Variants in SEMA6D observed in about 807,000 individuals in gnomAD.
The protein encoded by SEMA6D is semaphorin 6D, also known as semaphorin-6D.
In SEMA6D, 35 loss-of-function variants were observed where a neutral mutation model predicts 106.6. That is an observed-to-expected ratio of 0.33 (90% CI 0.25 to 0.44). The LOEUF is 0.44. Among genes scored for constraint, SEMA6D ranks in the 20% least tolerant of loss-of-function variants. SEMA6D has a pLI of 1.00. For synonymous variants in SEMA6D, 499 were observed against 487.7 expected (o/e 1.02, Z -0.31); for missense variants, 1,185 against 1,345.9 (o/e 0.88, Z 1.87).
rs75851458 is a variant in SEMA6D, at chr15:47,519,805, T to A, written c.-87+49260T>A. Among the ~76,000 whole-genome samples the A allele has an allele frequency of 3.8e-3, 576 of 152,362 alleles. 2 individuals are homozygous for A. The highest frequency in any genetic ancestry group is 5.3e-3 in the Non-Finnish European group (360 of 68,030). Reference sequence around the variant, plus strand: ...ATTAGTACCTGCCCTTTCCTTCCTCTTGGGGAAGTGGCAAGGATGATTGAT... The same window carrying A: ...ATTAGTACCTGCCCTTTCCTTCCTCATGGGGAAGTGGCAAGGATGATTGAT... On this transcript the variant is annotated intron_variant, in intron 3 of 19. Transcript: ENST00000558014.
chr15:47,615,202 A>C (rs575163658), intron 4 of SEMA6D, among the ~76,000 whole-genome samples: 1 of 152,376 alleles, frequency 6.6e-6, no homozygotes, highest in South Asian at 2.1e-4. Context: ...ATAATAAAAA[A>C]TGCAAATAAA....
In SEMA6D at chr15:47,638,505, T is replaced by C. The variant is rs561850559; in HGVS notation, c.-55+37609T>C. The stretch of plus-strand genomic sequence containing the variant: ...CAACGTAACAAATGTGTATGAATCA[T>C]TTATATGATTTTTTTCTCTTGAACA... On this transcript the variant is annotated intron_variant, in intron 4 of 19. Transcript: ENST00000558014. Among the ~76,000 whole-genome samples the C allele has an allele frequency of 3.9e-5, 6 of 152,312 alleles. No homozygotes were observed. The East Asian group carries it at 7.7e-4, about 20-fold the overall frequency.
intron 4 of SEMA6D, among the ~76,000 whole-genome samples, chr15:47,634,949 G>A (rs1339128192): frequency 1.3e-5 from 2 of 152,144 alleles, no homozygotes; most frequent in Non-Finnish European, 1.5e-5. Context: ...CTGCTTTTAC[G>A]CCAGCACTTT....
chr15:47,428,043 A>T (rs2041400716), intron 2 of SEMA6D, among the ~76,000 whole-genome samples: 1 of 152,162 alleles, frequency 6.6e-6, no homozygotes, highest in Non-Finnish European at 1.5e-5. Context: ...TGCAAGATTT[A>T]GGTGTTTCAT....
At chr15:47,624,079 T>G (rs1407489867) in intron 4 of SEMA6D, among the ~76,000 whole-genome samples, 1 of 152,170 alleles carries the variant, frequency 6.6e-6, no homozygotes, top group East Asian at 1.9e-4. Context: ...CATTCAGAAC[T>G]GCCGTCCGTA....
chr15:47,561,996 A>T (rs1218062452), intron 3 of SEMA6D, among the ~76,000 whole-genome samples: 1 of 152,060 alleles, frequency 6.6e-6, no homozygotes, highest in Non-Finnish European at 1.5e-5. Context: ...TACAATAGCC[A>T]ATACAACATT....
chr15:47,462,013 G>T (rs1335119086), intron 2 of SEMA6D, among the ~76,000 whole-genome samples: 1 of 151,922 alleles, frequency 6.6e-6, no homozygotes, highest in East Asian at 1.9e-4. Context: ...TTACTATTTG[G>T]TGATTCTAGA....
Position 47,232,526 on chromosome 15 carries a change from G to GGT in SEMA6D, c.-239+48137_-239+48138dup, listed in dbSNP as rs60261871. ...AGCTCTTGTTATTCTATGGGGGGAG[G>GGT]GTGTGTGTGTGTGTGTGTGTGTGTG... On this transcript the variant is annotated intron_variant, in intron 1 of 19. Coordinates refer to the SEMA6D transcript ENST00000558014. Among the ~76,000 whole-genome samples, 369 of 148,134 alleles carry GGT rather than the reference G, an allele frequency of 2.5e-3. 2 individuals are homozygous for GGT. The highest frequency in any genetic ancestry group is 8.4e-3 in the African/African-American group (340 of 40,430).
chr15:47,313,368 C>T lies in SEMA6D; in HGVS notation c.-238-99025C>T, dbSNP rs568538536. On this transcript the variant is annotated intron_variant, in intron 1 of 19. Transcript: ENST00000558014. ...CAAATGTCATATAGTAAGAATCATA[C>T]GGTATGTAACCTTTTCACATTGGCT... is the stretch of plus-strand genomic sequence containing the variant. Among the ~76,000 whole-genome samples the T allele has an allele frequency of 1.5e-3, 223 of 152,228 alleles. 1 individual carries two copies. Among genetic ancestry groups the T allele is most frequent in the South Asian group, 0.013 (61 of 4,806 alleles).
intron 1 of SEMA6D, among the ~76,000 whole-genome samples, chr15:47,322,375 A>G (rs2036957363): frequency 6.6e-6 from 1 of 151,308 alleles, no homozygotes; most frequent in Non-Finnish European, 1.5e-5. Context: ...ATAATTTGTG[A>G]CAGTTCCTAT....
At chr15:47,658,126 T>C (rs1349947716) in intron 4 of SEMA6D, among the ~76,000 whole-genome samples, 1 of 152,198 alleles carries the variant, frequency 6.6e-6, no homozygotes, top group African/African-American at 2.4e-5. Flanking sequence ...TGAGATATTT[T>C]TATGATGCAA....
Position 47,428,297 on chromosome 15 carries a change from C to G in SEMA6D, c.-159+15825C>G, listed in dbSNP as rs538348408. Among the ~76,000 whole-genome samples the G allele has an allele frequency of 2.6e-5, 4 of 152,188 alleles. No homozygotes were observed. The East Asian group carries it at 7.8e-4, about 30-fold the overall frequency. The stretch of plus-strand genomic sequence containing the variant: ...GAGTTTATGTTGATCAAAGGTTTTA[C>G]AAGCCCATTGTAGGGCTAATATGAA... On this transcript the variant is annotated intron_variant, in intron 2 of 19. Coordinates refer to the SEMA6D transcript ENST00000558014.
chr15:47,743,906 ATC>A lies in SEMA6D; in HGVS notation c.-54-15838_-54-15837del, dbSNP rs540806368. Among the ~76,000 whole-genome samples, 571 of 152,256 alleles carry A rather than the reference ATC, an allele frequency of 3.8e-3. 2 individuals are homozygous for A. Among genetic ancestry groups the A allele is most frequent in the Non-Finnish European group, 6.5e-3 (441 of 67,996 alleles). On this transcript the variant is annotated intron_variant, in intron 1 of 18. Transcript: ENST00000536845. ...CTAGTTTTGATTTTTGTCAATGCAA[ATC>A]CATTTTGAGCCTCTCTGAGATTAGC...
Position 47,611,148 on chromosome 15 carries a change from TACACACACACAC to T in SEMA6D, c.-55+10279_-55+10290del, listed in dbSNP as rs71432248. ...GCCTACCCACTGCCACCGTCCTACA[TACACACACACAC>T]ACACACACACACACACACACACACA... is the stretch of plus-strand genomic sequence containing the variant. On this transcript the variant is annotated intron_variant, in intron 4 of 19. Coordinates refer to the SEMA6D transcript ENST00000558014. Among the ~76,000 whole-genome samples the T allele has an allele frequency of 6.1e-3, 868 of 141,666 alleles. 1 individual carries two copies. The highest frequency in any genetic ancestry group is 0.012 in the African/African-American group (463 of 38,662). 92.9% of individuals were successfully genotyped at this position (141,666 alleles called of 152,430 possible). A position where few individuals can be genotyped will look rare whatever the true frequency, so the allele number is the denominator to read the frequency against.
intron 1 of SEMA6D, among the ~76,000 whole-genome samples, chr15:47,213,011 G>T (rs1024981954): frequency 7.2e-5 from 11 of 152,064 alleles, no homozygotes; most frequent in African/African-American, 2.2e-4. Context: ...TTTGGAACCC[G>T]CATAAGGGAT....
At chr15:47,742,741 C>T (rs1042557982) in intron 1 of SEMA6D, among the ~76,000 whole-genome samples, 3 of 152,192 alleles carry the variant, frequency 2.0e-5, no homozygotes, top group Non-Finnish European at 4.4e-5. Context: ...CAGGTCCCTC[C>T]AGTTCTTTCC....
At chr15:47,732,098 C>G (rs567667633) in intron 1 of SEMA6D, among the ~76,000 whole-genome samples, 66 of 152,294 alleles carry the variant, frequency 4.3e-4, no homozygotes, top group South Asian at 2.5e-3. Flanking sequence ...AATTGACCGT[C>G]ACAGTTCCTA....
At chr15:47,203,500 C>G (rs886956247) in intron 1 of SEMA6D, among the ~76,000 whole-genome samples, 1 of 152,104 alleles carries the variant, frequency 6.6e-6, no homozygotes, top group Admixed American at 6.6e-5. Flanking sequence ...AACAAGACAA[C>G]CTTTAACCTT....
chr15:47,531,644 GA>G (rs1207523904), intron 3 of SEMA6D, among the ~76,000 whole-genome samples: 1 of 152,224 alleles, frequency 6.6e-6, no homozygotes, highest in African/African-American at 2.4e-5. Flanking sequence ...GATTGGTTGA[GA>G]GTTGTGGGGA....
Sources: allele counts gnomAD v4.1 joint callset (sites outside exome capture counted in the v4.1 genomes callset), GRCh38; gene constraint gnomAD v4.1.1; transcripts MANE v1.5; gene names NCBI Gene and HGNC (gene_info 2026-07-23, HGNC 2026-07-21).